PLCG2: variants seen among roughly 807,000 people sequenced by gnomAD.
PLCG2 encodes the protein phospholipase C gamma 2.
Under a neutral mutation model 175.6 loss-of-function variants are expected in PLCG2, and 69 were observed. That is an observed-to-expected ratio of 0.39 (90% CI 0.32 to 0.48). The LOEUF (loss-of-function observed/expected upper bound fraction) is 0.48, where lower values mean the gene tolerates loss of function less well. Ranked by LOEUF, PLCG2 falls within the 20% of genes least tolerant of loss-of-function variation. PLCG2 has a pLI of 0.91. For missense variants in PLCG2, 1,798 were observed against 1,650.9 expected (o/e 1.09, Z -1.54); for synonymous variants, 827 against 624.0 (o/e 1.33, Z -4.85).
chr16:81,894,845 C>A (rs569360763), intron 12 of PLCG2, among the ~76,000 whole-genome samples: 4 of 151,914 alleles, frequency 2.6e-5, no homozygotes, highest in African/African-American at 7.2e-5. Flanking sequence ...TGCACGCCAG[C>A]CTGGGCAACA....
At chr16:81,808,077 A>G (rs534215543) in intron 2 of PLCG2, among the ~76,000 whole-genome samples, 3 of 152,260 alleles carry the variant, frequency 2.0e-5, no homozygotes, top group Non-Finnish European at 2.9e-5. Flanking sequence ...CCTTTTGGCT[A>G]TTATGAATAG....
intron 7 of PLCG2, among the ~76,000 whole-genome samples, chr16:81,871,487 C>T (rs565242821): frequency 2.0e-4 from 31 of 152,140 alleles, no homozygotes; most frequent in African/African-American, 6.5e-4. Flanking sequence ...TGCAGACGTG[C>T]GCCACCACGC....
At chr16:81,921,336 T>TC in intron 21 of PLCG2, 67 bp downstream of exon 21, 1 of 1,051,720 alleles carries the variant, frequency 9.5e-7, no homozygotes, top group Non-Finnish European at 1.5e-6. Flanking sequence ...TCCATCTTGT[T>TC]CCCATGGCAG....
rs753267129 is a variant in PLCG2 at position 81,946,161 on chromosome 16, T to G, written c.3482-14T>G. ...ATTACCTGCCTTTGCATTTTCCTCCTTGTTCTGCTTCAGGATTCAGGTCCG... is the reference window on the plus strand; with the variant it reads ...ATTACCTGCCTTTGCATTTTCCTCCGTGTTCTGCTTCAGGATTCAGGTCCG... On this transcript the variant is annotated splice_polypyrimidine_tract_variant and intron_variant, in intron 30 of 32. Transcript: ENST00000564138. The G allele has an allele frequency of 1.2e-6, 2 of 1,608,046 alleles. No individual in the cohort carries two copies. The highest frequency in any genetic ancestry group is 4.5e-5 in the East Asian group (2 of 44,848).
chr16:81,937,693 C>G lies in PLCG2; in HGVS notation c.3053-65C>G, dbSNP rs971821936. The G allele has an allele frequency of 4.8e-6, 7 of 1,472,116 alleles. No homozygotes were observed. In the East Asian group the frequency reaches 1.4e-4, roughly 29 times the overall value. The allele number at this position is 1,472,116 out of a possible 1,614,324, so 91.2% of individuals were successfully genotyped here. ...GTGAAATTCATTCCCCACCTAGAAA[C>G]TCCTGGCCTAGGGGGCCAGCGTGCT... On this transcript the variant is annotated intron_variant, in intron 27 of 32. Coordinates refer to ENST00000564138, the MANE Select transcript of PLCG2 (RefSeq NM_002661.5).
At chr16:81,875,432 C>T (rs76109083) in intron 7 of PLCG2, among the ~76,000 whole-genome samples, 3,670 of 152,234 alleles carry the variant, frequency 0.024, 172 homozygotes, top group African/African-American at 0.083. Context: ...TGATTTTCTG[C>T]CCAACTTTGA....
At chr16:81,794,872 C>T (rs1433841448) in intron 2 of PLCG2, among the ~76,000 whole-genome samples, 2 of 152,172 alleles carry the variant, frequency 1.3e-5, no homozygotes, top group African/African-American at 4.8e-5. Flanking sequence ...TCCTGCTCCC[C>T]CTGGAGTATG....
At chr16:81,877,377 AC>A (rs931853182) in intron 7 of PLCG2, among the ~76,000 whole-genome samples, 1 of 152,146 alleles carries the variant, frequency 6.6e-6, no homozygotes, top group Non-Finnish European at 1.5e-5. Flanking sequence ...AATGGCGTGA[AC>A]CTGGAGGCGG....
intron 7 of PLCG2, among the ~76,000 whole-genome samples, chr16:81,873,585 A>G (rs1907623970): frequency 6.6e-6 from 1 of 152,140 alleles, no homozygotes; most frequent in South Asian, 2.1e-4. Context: ...TTTACCTTGA[A>G]ATTTCAAGAT....
intron 29 of PLCG2, 59 bp from the exon 30 acceptor site, chr16:81,939,833 G>A (rs1910865913): frequency 3.4e-6 from 4 of 1,167,726 alleles, no homozygotes; most frequent in Non-Finnish European, 5.1e-6. Context: ...TGCGGAGATT[G>A]TCTTACCAGA....
chr16:81,923,514 C>G lies in PLCG2; in HGVS notation c.2337C>G (p.Asp779Glu). The G allele has an allele frequency of 6.2e-7, 1 of 1,613,140 alleles. No homozygotes were observed. Among genetic ancestry groups the G allele is most frequent in the Non-Finnish European group, 8.5e-7 (1 of 1,179,214 alleles). ...AGAGAACCGTGAAAGCTCTGTATGA[C>G]TACAAAGCCAAGCGAAGCGATGAGC... is the stretch of plus-strand genomic sequence containing the variant. ...MPQRTVKALY[D>E]YKAKRSDELS... Residue 779 changes from aspartate (D) to glutamate (E), a missense_variant, in exon 22 of 33, where the codon GAC (aspartate) becomes GAG (glutamate). Asp to Glu is a conservative substitution (Grantham distance 45). Coordinates refer to ENST00000564138, the MANE Select transcript of PLCG2 (RefSeq NM_002661.5).
chr16:81,800,632 T>G (rs1285571867), intron 2 of PLCG2, among the ~76,000 whole-genome samples: 1 of 152,182 alleles, frequency 6.6e-6, no homozygotes, highest in Admixed American at 6.5e-5. Context: ...GCATTTGGGT[T>G]GATTCCCTAT....
chr16:81,956,716 T>G lies in PLCG2; in HGVS notation c.3592T>G (p.Ser1198Ala). The change falls in exon 32 of 33, where the codon TCC (serine) becomes GCC (alanine). Residue 1198 changes from serine to alanine, a missense_variant. Transcript: ENST00000564138. ...PVLESEEELY[S>A]SCRQLRRRQE... is the part of the protein sequence containing the mutation. ...CCAGGAGAGCGAAGAGGAACTTTAC[T>G]CCTCCTGTCGCCAGCTGAGGAGGCG... 1 of 1,614,024 alleles carries G rather than the reference T, an allele frequency of 6.2e-7. No homozygotes were observed. The highest frequency in any genetic ancestry group is 1.7e-5 in the Admixed American group (1 of 60,002).
chr16:81,808,428 A>C (rs148709396), intron 2 of PLCG2, among the ~76,000 whole-genome samples: 1 of 152,192 alleles, frequency 6.6e-6, no homozygotes, highest in Non-Finnish European at 1.5e-5. Context: ...TGTGGCCCCA[A>C]GCCCACAGCA....
chr16:81,912,113 A>G (rs376920918), intron 18 of PLCG2, among the ~76,000 whole-genome samples: 1 of 149,678 alleles, frequency 6.7e-6, no homozygotes, highest in Non-Finnish European at 1.5e-5. Flanking sequence ...TTGTATTTTT[A>G]GTAGAGACAG....
At chr16:81,765,941 C>G (rs1377668679) in intron 2 of PLCG2, among the ~76,000 whole-genome samples, 2 of 152,202 alleles carry the variant, frequency 1.3e-5, no homozygotes, top group Admixed American at 1.3e-4. Context: ...TGACGGGGGA[C>G]CCAGGTAACA....
chr16:81,807,974 C>T (rs1330003779), intron 2 of PLCG2, among the ~76,000 whole-genome samples: 3 of 152,236 alleles, frequency 2.0e-5, no homozygotes, highest in East Asian at 3.8e-4. Context: ...ATCCAGTCAC[C>T]TTCCACCAGA....
intron 2 of PLCG2, chr16:81,766,904 C>A (rs1435804077): frequency 6.6e-6 from 1 of 152,222 alleles, no homozygotes; most frequent in Non-Finnish European, 1.5e-5. Context: ...CTTTTCCAAA[C>A]TGGAAGTCTG....
In PLCG2 at chr16:81,959,141, G is replaced by C. The variant is rs1381563236; in HGVS notation, c.*1143G>C. 1.8e-5 allele frequency: 4 copies of C among 224,228 alleles called. No individual in the cohort carries two copies. The highest frequency in any genetic ancestry group is 1.3e-4 in the East Asian group (2 of 15,500). 13.9% of individuals were successfully genotyped at this position (224,228 alleles called of 1,614,324 possible). ...GTTGGGAAGGGAGGTGGTTGGTAGA[G>C]TCACAACTTCTCAATGAGTGAATTT... On this transcript the variant is annotated 3_prime_UTR_variant, in exon 33 of 33. Coordinates refer to ENST00000564138, the MANE Select transcript of PLCG2 (RefSeq NM_002661.5).
Sources: gnomAD v4.1 joint callset for allele counts (sites outside exome capture counted in the v4.1 genomes callset) on GRCh38, gnomAD v4.1.1 for gene constraint, MANE v1.5 for transcripts, NCBI Gene and HGNC (gene_info 2026-07-23, HGNC 2026-07-21) for gene names.